The following GLP2R variants were observed in gnomAD, a reference collection of about 807,000 sequenced individuals.
GLP2R encodes glucagon-like peptide 2 receptor.
GLP2R carries 59 observed loss-of-function variants against 68.2 expected under a neutral mutation model. That is an observed-to-expected ratio of 0.87 (90% CI 0.70 to 1.07). The LOEUF is 1.07. Ranked by LOEUF, GLP2R falls within the 50% of genes least tolerant of loss-of-function variation. The pLI is 0.00. For synonymous variants in GLP2R, 270 were observed against 265.4 expected, an observed-to-expected ratio of 1.02 and a Z score of -0.17; for missense variants, 548 against 677.4, an observed-to-expected ratio of 0.81 and a Z score of 2.12.
At chr17:9,877,749 C>T (rs1258888352) in intron 10 of GLP2R, among the ~76,000 whole-genome samples, 8 of 151,606 alleles carry the variant, frequency 5.3e-5, no homozygotes, top group South Asian at 2.1e-4. Context: ...CAGTGGCGGG[C>T]GCCTGTATTC....
intron 9 of GLP2R, among the ~76,000 whole-genome samples, chr17:9,869,010 A>T (rs1214670339): frequency 6.6e-6 from 1 of 152,204 alleles, no homozygotes. Context: ...GTTCCTAAAT[A>T]TTCTTTGGCT....
intron 4 of GLP2R, among the ~76,000 whole-genome samples, chr17:9,852,024 C>T (rs182008151): frequency 6.7e-6 from 1 of 148,606 alleles, no homozygotes; most frequent in East Asian, 2.0e-4. Context: ...CCAAAGCAGT[C>T]ATGGAGAGAA....
intron 1 of GLP2R, among the ~76,000 whole-genome samples, chr17:9,827,840 T>TAATG (rs998781915): frequency 6.6e-6 from 1 of 151,506 alleles, no homozygotes; most frequent in Non-Finnish European, 1.5e-5. Flanking sequence ...TGTGTGCCTG[T>TAATG]AATGCCAGTT....
rs2066960169 is a variant in GLP2R at position 9,859,081 on chromosome 17, T to C, written c.766-861T>C. ...ATAATTGATATTCAGCATTTTTCTT[T>C]TTTAAAAAATGCACTTAAGGCTATA... On this transcript the variant is annotated intron_variant, in intron 6 of 12. Coordinates refer to ENST00000262441, the MANE Select transcript of GLP2R (RefSeq NM_004246.3). 2.6e-5 allele frequency among the ~76,000 whole-genome samples: 4 copies of C among 152,220 alleles called. No homozygotes were observed. The South Asian group carries it at 8.3e-4, about 31-fold the overall frequency.
chr17:9,868,878 A>C (rs1276116600), intron 9 of GLP2R, among the ~76,000 whole-genome samples: 2 of 152,218 alleles, frequency 1.3e-5, no homozygotes, highest in Non-Finnish European at 2.9e-5. Flanking sequence ...TGTAAGAAAA[A>C]TGCCTATGTT....
At chr17:9,863,223 C>A (rs906438396) in intron 9 of GLP2R, among the ~76,000 whole-genome samples, 17 of 152,318 alleles carry the variant, frequency 1.1e-4, no homozygotes, top group African/African-American at 4.1e-4. Context: ...AGCCACACTG[C>A]CCAGCTGGGG....
At chr17:9,880,694 T>G (rs1044764927) in intron 11 of GLP2R, among the ~76,000 whole-genome samples, 178 bp downstream of exon 11, 20 of 152,190 alleles carry the variant, frequency 1.3e-4, no homozygotes, top group African/African-American at 4.1e-4. Flanking sequence ...ATTGCGTTGA[T>G]CCTGCCAGCA....
At chr17:9,866,054 CTGTG>C (rs766232123) in intron 9 of GLP2R, 67,658 of 377,284 alleles carry the variant, frequency 0.18, 7,592 homozygotes, top group East Asian at 0.49. Flanking sequence ...TTCTAGGACT[CTGTG>C]CATTGGTTCT....
In GLP2R at chr17:9,889,509, A is replaced by T. The variant is rs775591019; in HGVS notation, c.1466A>T (p.Lys489Met). The T allele has an allele frequency of 6.2e-7, 1 of 1,614,222 alleles. No homozygotes were observed. Among genetic ancestry groups the T allele is most frequent in the African/African-American group, 1.3e-5 (1 of 75,066 alleles). The change falls in exon 13 of 13, where the codon AAG (lysine) becomes ATG (methionine). Residue 489 changes from lysine to methionine, a missense_variant. Lys to Met is a moderately conservative substitution (Grantham distance 95). Coordinates refer to ENST00000262441, the MANE Select transcript of GLP2R (RefSeq NM_004246.3). ...KKLSEGDGAE[K>M]LRKLQPSLNS... The stretch of plus-strand genomic sequence containing the variant: ...CTCTCGGAAGGAGATGGCGCTGAGA[A>T]GCTTCGGAAGCTGCAGCCCTCACTT...
At chr17:9,873,385 C>T (rs1396499823) in intron 10 of GLP2R, among the ~76,000 whole-genome samples, 3 of 152,100 alleles carry the variant, frequency 2.0e-5, no homozygotes, top group Non-Finnish European at 4.4e-5. Context: ...AGCTCCTCAT[C>T]AGCATCCCCG....
At chr17:9,882,038 TAAAA>T (rs60129746) in intron 11 of GLP2R, among the ~76,000 whole-genome samples, 5,798 of 113,656 alleles carry the variant, frequency 0.051, 391 homozygotes, top group African/African-American at 0.17. Context: ...ACACATTAAC[TAAAA>T]AAAAAAAAAA....
intron 11 of GLP2R, among the ~76,000 whole-genome samples, chr17:9,884,151 T>C (rs747832000): frequency 6.6e-6 from 1 of 152,196 alleles, no homozygotes; most frequent in Non-Finnish European, 1.5e-5. Context: ...AGGCTTAAGT[T>C]AGTGTTAATA....
intron 1 of GLP2R, among the ~76,000 whole-genome samples, 153 bp downstream of exon 1, chr17:9,826,405 A>G (rs2066630547): frequency 1.3e-5 from 2 of 152,104 alleles, no homozygotes; most frequent in Non-Finnish European, 1.5e-5. Flanking sequence ...AAAGGTAATC[A>G]CTGTTCATAT....
intron 10 of GLP2R, among the ~76,000 whole-genome samples, chr17:9,879,875 C>A (rs146465549): frequency 9.2e-5 from 14 of 152,198 alleles, no homozygotes; most frequent in African/African-American, 2.9e-4. Flanking sequence ...GATGCCCCCA[C>A]ATCCAGCCCG....
intron 4 of GLP2R, among the ~76,000 whole-genome samples, chr17:9,850,179 A>G (rs1460426291): frequency 1.3e-5 from 2 of 152,214 alleles, no homozygotes; most frequent in South Asian, 2.1e-4. Flanking sequence ...TCTAAGTGAC[A>G]TAAGATTCAC....
chr17:9,854,749 A>C, intron 5 of GLP2R, 148 bp downstream of exon 5: 1 of 633,644 alleles, frequency 1.6e-6, no homozygotes. Context: ...AACCAACCCT[A>C]TGTTTGGTTC....
intron 11 of GLP2R, among the ~76,000 whole-genome samples, 160 bp downstream of exon 11, chr17:9,880,676 G>A (rs1321915065): frequency 2.0e-5 from 3 of 152,198 alleles, no homozygotes; most frequent in Non-Finnish European, 4.4e-5. Flanking sequence ...GCATGCAGAC[G>A]GGGAAGTATT....
chr17:9,888,614 C>G (rs2067263881), intron 12 of GLP2R, among the ~76,000 whole-genome samples: 1 of 152,022 alleles, frequency 6.6e-6, no homozygotes, highest in African/African-American at 2.4e-5. Flanking sequence ...TTACAGGTGC[C>G]CACCACCACA....
In GLP2R at chr17:9,870,927, C is replaced by CT. The variant is rs1349362827; in HGVS notation, c.1145+93dup. 4.1e-6 allele frequency: 3 copies of CT among 730,846 alleles called. No homozygotes were observed. The East Asian group carries it at 7.5e-5, about 18-fold the overall frequency. 45.3% of individuals were successfully genotyped at this position (730,846 alleles called of 1,614,324 possible). On this transcript the variant is annotated intron_variant, in intron 10 of 12. Coordinates refer to ENST00000262441, the MANE Select transcript of GLP2R (RefSeq NM_004246.3). Reference sequence around the variant, plus strand: ...CTGTCTTGGGAAGGACATTTATCTCCTAAGGCCAGGGTATCAGAAAGAGCA... The same window carrying CT: ...CTGTCTTGGGAAGGACATTTATCTCCTTAAGGCCAGGGTATCAGAAAGAGCA...
Sources: allele counts gnomAD v4.1 joint callset (sites outside exome capture counted in the v4.1 genomes callset), GRCh38; gene constraint gnomAD v4.1.1; transcripts MANE v1.5; gene names NCBI Gene and HGNC (gene_info 2026-07-23, HGNC 2026-07-21).